The following TMEM25 variants were observed in gnomAD, a reference collection of about 807,000 sequenced individuals.
TMEM25 encodes transmembrane protein 25, also known as 0610039J01Rik.
In TMEM25, 36 loss-of-function variants were observed where a neutral mutation model predicts 37.0. The ratio of observed to expected loss-of-function variants is 0.97; its 90% CI spans 0.75 to 1.28. TMEM25 has a LOEUF of 1.28. Ranked by LOEUF, TMEM25 falls within the 50% of genes most tolerant of loss-of-function variation. The pLI is 0.00. For synonymous variants in TMEM25, 197 were observed against 203.7 expected (o/e 0.97, Z 0.28); for missense variants, 444 against 477.9 (o/e 0.93, Z 0.66).
chr11:118,536,081 T>C (rs1362289383), downstream of TMEM25, among the ~76,000 whole-genome samples: 1 of 152,172 alleles, frequency 6.6e-6, no homozygotes, highest in Non-Finnish European at 1.5e-5. Context: ...TTTTACCATG[T>C]TGGCCAGACT....
chr11:118,536,808 T>G (rs7108845), downstream of TMEM25, among the ~76,000 whole-genome samples: 24,610 of 152,106 alleles, frequency 0.16, 2,464 homozygotes, highest in East Asian at 0.49. Context: ...GATTTTTTTT[T>G]GTACAAAGTT....
chr11:118,543,069 A>G (rs550281923), intron 8 of TMEM25, among the ~76,000 whole-genome samples: 1 of 151,148 alleles, frequency 6.6e-6, no homozygotes, highest in East Asian at 2.0e-4. Flanking sequence ...GTGAAACTCC[A>G]TCTCTACTGA....
In TMEM25 at chr11:118,533,494, G is replaced by T; in HGVS notation, c.748G>T (p.Val250Leu). Residue 250 changes from valine (V) to leucine (L), a missense_variant, in exon 5 of 9, where the codon GTG (valine) becomes TTG (leucine). Coordinates refer to ENST00000313236, the MANE Select transcript of TMEM25 (RefSeq NM_032780.4). ...TGCTGGGCTTGCACTGGGCACCCTC[G>T]TGGGGTTCAGCACCTTGGTGGCCTG... ...VAAGLALGTL[V>L]GFSTLVACLV... 1 of 1,614,160 alleles carries T rather than the reference G, an allele frequency of 6.2e-7. No individual in the cohort carries two copies.
intron 8 of TMEM25, chr11:118,544,707 T>TTAAC (rs1226838048): frequency 5.6e-5 from 30 of 531,804 alleles, no homozygotes; most frequent in African/African-American, 4.8e-4. Context: ...TGTAGATGCA[T>TTAAC]TAACTCCCCG....
intron 8 of TMEM25, chr11:118,545,037 T>C: frequency 2.1e-6 from 3 of 1,463,054 alleles, no homozygotes; most frequent in Non-Finnish European, 2.9e-6. Context: ...GAGGGAATAT[T>C]GAGTATTAGG....
In TMEM25 at chr11:118,533,991, G is replaced by A. The variant is rs1335307794; in HGVS notation, c.837-38G>A. The A allele has an allele frequency of 1.6e-5, 26 of 1,613,262 alleles. 1 individual carries two copies. Among genetic ancestry groups the A allele is most frequent in the East Asian group, 2.2e-5 (1 of 44,874 alleles). Reference sequence around the variant, plus strand: ...AGAGGCAGCCATGAGTGCCTGTGCCGGGACTCATATCCATCCCGAACTTTG... The same window carrying A: ...AGAGGCAGCCATGAGTGCCTGTGCCAGGACTCATATCCATCCCGAACTTTG... On this transcript the variant is annotated intron_variant, in intron 6 of 8. Coordinates refer to ENST00000313236, the MANE Select transcript of TMEM25 (RefSeq NM_032780.4).
chr11:118,533,687 C>T, intron 5 of TMEM25, 136 bp downstream of exon 5: 1 of 1,571,078 alleles, frequency 6.4e-7, no homozygotes, highest in South Asian at 1.1e-5. Flanking sequence ...GGTACGGTGA[C>T]ATGCATCCCA....
downstream of TMEM25, among the ~76,000 whole-genome samples, chr11:118,537,247 A>C (rs1345428482): frequency 6.6e-6 from 1 of 152,128 alleles, no homozygotes; most frequent in Non-Finnish European, 1.5e-5. Flanking sequence ...AGGCTGAGGC[A>C]GGAGAAATGC....
At chr11:118,546,296 G>C in exon 9 of TMEM25, 1 of 631,180 alleles carries the variant, frequency 1.6e-6, no homozygotes, top group East Asian at 2.8e-5. Context: ...CTAGGAGTTC[G>C]AGACCAGCCT....
At chr11:118,532,880 C>G in intron 3 of TMEM25, 37 bp from the exon 4 acceptor site, 1 of 1,585,026 alleles carries the variant, frequency 6.3e-7, no homozygotes, top group Non-Finnish European at 8.6e-7. Flanking sequence ...GTATGAGGGG[C>G]TGTGGTGAGA....
At chr11:118,536,576 G>C (rs1409664330), downstream of TMEM25, among the ~76,000 whole-genome samples, 1 of 152,186 alleles carries the variant, frequency 6.6e-6, no homozygotes, top group African/African-American at 2.4e-5. Flanking sequence ...ACTCAACTCT[G>C]ACATTACCAA....
Position 118,534,971 on chromosome 11 carries a change from G to T in TMEM25, c.*391G>T. 9.4e-7 allele frequency: 1 copy of T among 1,062,418 alleles called. No individual in the cohort carries two copies. The highest frequency in any genetic ancestry group is 1.7e-5 in the African/African-American group (1 of 59,948). 65.8% of individuals were successfully genotyped at this position (1,062,418 alleles called of 1,614,324 possible). A position where few individuals can be genotyped will look rare whatever the true frequency, so the allele number is the denominator to read the frequency against. On this transcript the variant is annotated 3_prime_UTR_variant, in exon 9 of 9. Coordinates refer to ENST00000313236, the MANE Select transcript of TMEM25 (RefSeq NM_032780.4). The surrounding 1 kb of genome is among the most constrained non-coding windows in gnomAD (Gnocchi z 4.6). ...AGCACCTTGTACAGTAGGCATGGGG[G>T]CGTGCCTGTGTGGGGGACAGGGAGG... is the stretch of plus-strand genomic sequence containing the variant.
At chr11:118,541,238 G>A (rs918763195) in intron 8 of TMEM25, among the ~76,000 whole-genome samples, 7 of 151,984 alleles carry the variant, frequency 4.6e-5, no homozygotes, top group Admixed American at 1.3e-4. Flanking sequence ...CAAGGCGGGC[G>A]GATCATGAGG....
At chr11:118,538,987 G>T (rs1951544553), downstream of TMEM25, among the ~76,000 whole-genome samples, 1 of 151,252 alleles carries the variant, frequency 6.6e-6, no homozygotes. Flanking sequence ...TGAATTCCTT[G>T]CATATTCTGG....
chr11:118,541,703 A>C (rs1458016586), intron 8 of TMEM25, among the ~76,000 whole-genome samples: 1 of 152,048 alleles, frequency 6.6e-6, no homozygotes, highest in East Asian at 1.9e-4. Flanking sequence ...AGTGGTCCAC[A>C]GTGTCTGTTC....
chr11:118,531,728 G>A, intron 1 of TMEM25, 47 bp from the exon 2 acceptor site: 1 of 1,369,406 alleles, frequency 7.3e-7, no homozygotes, highest in Non-Finnish European at 9.9e-7. Flanking sequence ...GCAATTGCTA[G>A]GCCTGCCTGC....
At position 118,533,085 on chromosome 11, in the gene TMEM25, C is replaced by T. The variant is rs782062665; in HGVS notation, c.551C>T (p.Ala184Val). The change falls in exon 4 of 9, where the codon GCG (alanine) becomes GTG (valine). Residue 184 changes from alanine (A) to valine (V), a missense_variant. Transcript: ENST00000313236. ...ACCTCTGACTTCCTGGTGCTGGATG[C>T]GCAGAACTACCCCTGGCTCACCAAC... is the stretch of plus-strand genomic sequence containing the variant. ...VNTSDFLVLDAQNYPWLTNHT... is the reference protein window; with the variant it reads ...VNTSDFLVLDVQNYPWLTNHT... 22 of 1,613,844 alleles carry T rather than the reference C, an allele frequency of 1.4e-5. No homozygotes were observed. The highest frequency in any genetic ancestry group is 1.8e-5 in the Non-Finnish European group (21 of 1,180,026).
At position 118,531,826 on chromosome 11, in the gene TMEM25, G is replaced by A. The variant is rs931287556; in HGVS notation, c.25G>A (p.Ala9Thr). The change falls in exon 2 of 9, where the codon GCC becomes ACC. Residue 9 changes from alanine to threonine, a missense_variant. By Grantham distance (58) the Ala-to-Thr change is moderately conservative. Transcript: ENST00000313236. Reference sequence around the variant, plus strand: ...CATGGCGCTGCCTCCAGGCCCAGCCGCCCTCCGGCACACACTGCTGCTCCT... The same window carrying A: ...CATGGCGCTGCCTCCAGGCCCAGCCACCCTCCGGCACACACTGCTGCTCCT... MALPPGPA[A>T]LRHTLLLLPA... 5.2e-6 allele frequency: 8 copies of A among 1,551,034 alleles called. No homozygotes were observed. Among genetic ancestry groups the A allele is most frequent in the African/African-American group, 1.4e-5 (1 of 73,012 alleles).
Position 118,532,960 on chromosome 11 carries a change from T to C in TMEM25, c.426T>C (p.Ala142=). The change falls in exon 4 of 9, where the codon GCT becomes GCC. Residue 142 remains alanine, a synonymous_variant. Coordinates refer to ENST00000313236, the MANE Select transcript of TMEM25 (RefSeq NM_032780.4). ...IAQVGAKYQE[A]QGPGLLVVLF... is the part of the protein sequence containing the mutation. ...AAGTCGGCGCCAAGTACCAGGAAGC[T>C]CAGGGCCCAGGCCTCCTGGTTGTCC... 2 of 1,614,132 alleles carry C rather than the reference T, an allele frequency of 1.2e-6. No homozygotes were observed. Among genetic ancestry groups the C allele is most frequent in the Non-Finnish European group, 1.7e-6 (2 of 1,180,002 alleles).
Sources: allele counts gnomAD v4.1 joint callset (sites outside exome capture counted in the v4.1 genomes callset), GRCh38; gene constraint gnomAD v4.1.1; non-coding constraint Gnocchi (gnomAD v3.1); transcripts MANE v1.5; gene names NCBI Gene and HGNC (gene_info 2026-07-23, HGNC 2026-07-21).